The following CSMD2 variants were observed in gnomAD, a reference collection of about 807,000 sequenced individuals.
CSMD2 encodes the protein CUB and Sushi multiple domains 2.
Under a neutral mutation model 398.5 loss-of-function variants are expected in CSMD2, and 130 were observed. The ratio of observed to expected loss-of-function variants is 0.33; its 90% CI spans 0.28 to 0.38. CSMD2 has a LOEUF of 0.38. Among genes scored for constraint, CSMD2 ranks in the 10% least tolerant of loss-of-function variants. The pLI is 1.00. For missense variants in CSMD2, 3,829 were observed against 4,764.9 expected (o/e 0.80, Z 5.78); for synonymous variants, 1,828 against 1,908.5 (o/e 0.96, Z 1.10).
rs1359501066 is a variant in CSMD2, at chr1:34,000,532, C to G, written c.517+32062G>C. ...AATGCAGAACCGCTCGGTTCATAAT[C>G]CCCTTTCCCAGGCCCCAGAGTTCTG... is the stretch of plus-strand genomic sequence containing the variant. On this transcript the variant is annotated intron_variant, in intron 3 of 70. Coordinates refer to ENST00000373381, the MANE Select transcript of CSMD2 (RefSeq NM_001281956.2). 2.6e-5 allele frequency among the ~76,000 whole-genome samples: 4 copies of G among 152,298 alleles called. No individual in the cohort carries two copies. The East Asian group carries it at 7.7e-4, about 29-fold the overall frequency.
At chr1:33,600,428 C>T in intron 44 of CSMD2, 3 of 553,974 alleles carry the variant, frequency 5.4e-6, no homozygotes, top group South Asian at 4.9e-5. Flanking sequence ...TCATACTCTT[C>T]CTACTCAAAA....
intron 21 of CSMD2, among the ~76,000 whole-genome samples, chr1:33,711,193 G>C (rs565022317): frequency 6.6e-6 from 1 of 152,106 alleles, no homozygotes; most frequent in Non-Finnish European, 1.5e-5. Flanking sequence ...GGATTTGTCG[G>C]GGGGAGGGGG....
intron 16 of CSMD2, 76 bp from the exon 17 acceptor site, chr1:33,725,612 G>T: frequency 1.5e-6 from 2 of 1,373,402 alleles, no homozygotes; most frequent in Non-Finnish European, 2.1e-6. Flanking sequence ...AGCCCTGCCT[G>T]ACCCAGGGCT....
chr1:34,032,334 A>G (rs1558275503), intron 3 of CSMD2, among the ~76,000 whole-genome samples: 1 of 152,264 alleles, frequency 6.6e-6, no homozygotes, highest in Admixed American at 6.5e-5. Context: ...AACCCAGTTA[A>G]AGGGGACAGA....
chr1:33,862,885 G>A (rs2125119130), intron 5 of CSMD2: 1 of 152,338 alleles, frequency 6.6e-6, no homozygotes, highest in East Asian at 1.9e-4. Flanking sequence ...CTGAAGTCTT[G>A]GAACCCTGGG....
At chr1:34,130,326 G>A (rs928670318) in intron 1 of CSMD2, among the ~76,000 whole-genome samples, 1 of 136,726 alleles carries the variant, frequency 7.3e-6, no homozygotes, top group Non-Finnish European at 1.5e-5. Flanking sequence ...AGAGCGAACT[G>A]TTTGAAGATG....
At chr1:33,964,946 G>A (rs1380168983) in intron 3 of CSMD2, among the ~76,000 whole-genome samples, 1 of 152,226 alleles carries the variant, frequency 6.6e-6, no homozygotes, top group Non-Finnish European at 1.5e-5. Flanking sequence ...GATCAGATGA[G>A]AACTTGCATT....
At chr1:33,648,422 C>A (rs971235636) in intron 28 of CSMD2, among the ~76,000 whole-genome samples, 1 of 150,770 alleles carries the variant, frequency 6.6e-6, no homozygotes, top group Non-Finnish European at 1.5e-5. Flanking sequence ...GGATCAAGAT[C>A]CTGAAACATT....
At chr1:34,008,831 T>C (rs1482331635) in intron 3 of CSMD2, among the ~76,000 whole-genome samples, 1 of 152,204 alleles carries the variant, frequency 6.6e-6, no homozygotes, top group African/African-American at 2.4e-5. Flanking sequence ...CCAGTGCCTC[T>C]CAAGTGCTTT....
intron 15 of CSMD2, among the ~76,000 whole-genome samples, chr1:33,733,840 T>G (rs1319492022): frequency 1.3e-5 from 2 of 152,210 alleles, no homozygotes; most frequent in South Asian, 4.1e-4. Flanking sequence ...CTTTCCTTTA[T>G]AAATTACCCA....
chr1:34,058,507 C>T (rs538154352), intron 2 of CSMD2, among the ~76,000 whole-genome samples: 14 of 152,296 alleles, frequency 9.2e-5, no homozygotes, highest in Non-Finnish European at 7.3e-5. Context: ...TGAGCTACAG[C>T]GTGCAAGGCT....
At chr1:33,921,444 G>A (rs573723226) in intron 4 of CSMD2, among the ~76,000 whole-genome samples, 6 of 152,256 alleles carry the variant, frequency 3.9e-5, no homozygotes, top group African/African-American at 1.2e-4. Context: ...ATATTGTTCC[G>A]AGCAAGCACC....
chr1:33,616,986 C>A lies in CSMD2; in HGVS notation c.5947-11G>T, dbSNP rs1441131986. 1.9e-6 allele frequency: 3 copies of A among 1,613,236 alleles called. No individual in the cohort carries two copies. The highest frequency in any genetic ancestry group is 2.2e-5 in the East Asian group (1 of 44,862). On this transcript the variant is annotated splice_polypyrimidine_tract_variant and intron_variant, in intron 38 of 70. Coordinates refer to ENST00000373381, the MANE Select transcript of CSMD2 (RefSeq NM_001281956.2). ...GATGTGGGCGTGGCCCTGGAGGAAT[C>A]AGGAACAGGGATGGGCTAGCTGTCC...
At chr1:33,571,165 G>A (rs1366573193) in intron 51 of CSMD2, among the ~76,000 whole-genome samples, 1 of 152,074 alleles carries the variant, frequency 6.6e-6, no homozygotes, top group Non-Finnish European at 1.5e-5. Flanking sequence ...ACTTCTTTAT[G>A]TGTCTGCCTC....
In CSMD2 at chr1:33,569,350, G is replaced by A. The variant is rs747860316; in HGVS notation, c.8131+24C>T. Reference sequence around the variant, plus strand: ...TATCTCAAGGAGAAAAACTGGGCAGGATAGGCCTGCAGAGGTCACTTACCA... The same window carrying A: ...TATCTCAAGGAGAAAAACTGGGCAGAATAGGCCTGCAGAGGTCACTTACCA... On this transcript the variant is annotated intron_variant, in intron 52 of 70. Coordinates refer to ENST00000373381, the MANE Select transcript of CSMD2 (RefSeq NM_001281956.2). 6 of 1,603,756 alleles carry A rather than the reference G, an allele frequency of 3.7e-6. No homozygotes were observed. In the Admixed American group the frequency reaches 1.0e-4, roughly 27 times the overall value.
intron 2 of CSMD2, among the ~76,000 whole-genome samples, chr1:34,069,198 G>A (rs1655443969): frequency 6.6e-6 from 1 of 152,226 alleles, no homozygotes; most frequent in Non-Finnish European, 1.5e-5. Flanking sequence ...CTTTTAGGGA[G>A]GCCTAAATAT....
At chr1:33,686,655 G>C (rs570549255) in intron 25 of CSMD2, among the ~76,000 whole-genome samples, 17 of 152,312 alleles carry the variant, frequency 1.1e-4, no homozygotes, top group African/African-American at 4.1e-4. Context: ...CAGCTTGCTG[G>C]AGCAAACCTG....
chr1:33,829,154 C>T (rs905885155), intron 6 of CSMD2, among the ~76,000 whole-genome samples: 1 of 152,144 alleles, frequency 6.6e-6, no homozygotes, highest in South Asian at 2.1e-4. Context: ...ACAGGGGTCA[C>T]AGCTCTTTGG....
chr1:34,132,951 A>AAC (rs1049600666), intron 1 of CSMD2, among the ~76,000 whole-genome samples: 1 of 147,494 alleles, frequency 6.8e-6, no homozygotes, highest in Non-Finnish European at 1.5e-5. Context: ...CACACACACA[A>AAC]ACACACACAC....
Sources: allele counts gnomAD v4.1 joint callset (sites outside exome capture counted in the v4.1 genomes callset), GRCh38; gene constraint gnomAD v4.1.1; transcripts MANE v1.5; gene names NCBI Gene and HGNC (gene_info 2026-07-23, HGNC 2026-07-21).